The following KANK2 variants were observed in gnomAD, a reference collection of about 807,000 sequenced individuals.
KANK2 encodes the protein KN motif and ankyrin repeat domains 2.
Under a neutral mutation model 74.6 loss-of-function variants are expected in KANK2, and 41 were observed. The ratio of observed to expected loss-of-function variants is 0.55; its 90% CI spans 0.43 to 0.71. KANK2 has a LOEUF of 0.71. Among genes scored for constraint, KANK2 ranks in the 30% least tolerant of loss-of-function variants. The pLI is 0.00. For synonymous variants in KANK2, 537 were observed against 519.0 expected (o/e 1.03, Z -0.47); for missense variants, 1,148 against 1,196.4 (o/e 0.96, Z 0.60).
chr19:11,189,636 G>C (rs58495388), intron 4 of KANK2, among the ~76,000 whole-genome samples: 37,612 of 128,174 alleles, frequency 0.29, 6,312 homozygotes, highest in South Asian at 0.56. Context: ...AAAAAAAAAG[G>C]AAGATATAGA....
intron 9 of KANK2, 138 bp from the exon 10 acceptor site, chr19:11,173,261 T>C: frequency 1.2e-6 from 1 of 835,062 alleles, no homozygotes; most frequent in South Asian, 2.7e-5. Context: ...CACTCTGCCC[T>C]AGAGGTCTCC....
In KANK2 at chr19:11,194,565, T is replaced by C; in HGVS notation, c.-54A>G. The C allele has an allele frequency of 1.4e-6, 2 of 1,451,982 alleles. No individual in the cohort carries two copies. The highest frequency in any genetic ancestry group is 1.9e-6 in the Non-Finnish European group (2 of 1,034,242). 89.9% of individuals were successfully genotyped at this position (1,451,982 alleles called of 1,614,324 possible). ...TCACTTGAGGGACTGCGAGTCAGAC[T>C]GCCTGCAGCACCGGCTGAGGCTTAC... On this transcript the variant is annotated 5_prime_UTR_variant, in exon 3 of 13. Transcript: ENST00000586659.
chr19:11,177,306 G>C (rs2078373912), intron 6 of KANK2, among the ~76,000 whole-genome samples: 1 of 151,970 alleles, frequency 6.6e-6, no homozygotes, highest in Non-Finnish European at 1.5e-5. Flanking sequence ...ATGTTGGCCA[G>C]GCTGATCTCG....
intron 10 of KANK2, 113 bp downstream of exon 10, chr19:11,172,868 C>T (rs2078216375): frequency 2.7e-6 from 3 of 1,119,932 alleles, no homozygotes; most frequent in Non-Finnish European, 3.9e-6. Context: ...ACAGCCTGGC[C>T]ATGAAGAGCA....
In KANK2 at chr19:11,174,321, G is replaced by A. The variant is rs1246265793; in HGVS notation, c.2068+152C>T. Reference sequence around the variant, plus strand: ...AGGTGGCATCTGCCACATCAGACTGGGAGAGAGGTGTTCCCTCTATTATAC... The same window carrying A: ...AGGTGGCATCTGCCACATCAGACTGAGAGAGAGGTGTTCCCTCTATTATAC... On this transcript the variant is annotated intron_variant, in intron 9 of 12. Coordinates refer to ENST00000586659, the MANE Select transcript of KANK2 (RefSeq NM_001136191.3). The A allele has an allele frequency of 1.0e-5, 7 of 669,136 alleles. No individual in the cohort carries two copies. The Admixed American group carries it at 1.4e-4, about 13-fold the overall frequency. 41.4% of individuals were successfully genotyped at this position (669,136 alleles called of 1,614,324 possible).
intron 4 of KANK2, among the ~76,000 whole-genome samples, chr19:11,190,206 C>T (rs1283450782): frequency 6.6e-6 from 1 of 152,048 alleles, no homozygotes; most frequent in Non-Finnish European, 1.5e-5. Context: ...GCGACCTCGG[C>T]CCAATGCAAC....
In KANK2 at chr19:11,178,679, C is replaced by A; in HGVS notation, c.1291G>T (p.Gly431Trp). 6.5e-7 allele frequency: 1 copy of A among 1,544,040 alleles called. No homozygotes were observed. Among genetic ancestry groups the A allele is most frequent in the Non-Finnish European group, 8.7e-7 (1 of 1,150,634 alleles). ...TGTGTAAGGGAGGCTACCTCGGACCCCGGGGGTGACGAAGACGATTCGGCA... is the reference window on the plus strand; with the variant it reads ...TGTGTAAGGGAGGCTACCTCGGACCACGGGGGTGACGAAGACGATTCGGCA... Reference protein sequence around the residue: ...VPAESSSSPPGSEVASLTQPE... With the variant: ...VPAESSSSPPWSEVASLTQPE... Residue 431 changes from glycine (G) to tryptophan (W), a missense_variant, in exon 5 of 13, where the codon GGG becomes TGG. By Grantham distance (184) the Gly-to-Trp change is radical. Coordinates refer to ENST00000586659, the MANE Select transcript of KANK2 (RefSeq NM_001136191.3).
chr19:11,172,007 A>G (rs1384113078), intron 10 of KANK2, among the ~76,000 whole-genome samples: 3 of 130,408 alleles, frequency 2.3e-5, no homozygotes, highest in Non-Finnish European at 4.7e-5. Context: ...ACAGAGTCTC[A>G]CTCTGTAGCC....
rs35598796 is a variant in KANK2 at position 11,182,526 on chromosome 19, T to TA, written c.1250-3807dup. ...GGGTGACGGAGTGAGACCCTATCTT[T>TA]AAAAAAAAAAACAAAAAAACAAAAC... On this transcript the variant is annotated intron_variant, in intron 4 of 12. Transcript: ENST00000586659. 1.4e-3 allele frequency among the ~76,000 whole-genome samples: 137 copies of TA among 100,344 alleles called. 1 individual carries two copies. The highest frequency in any genetic ancestry group is 7.7e-3 in the Middle Eastern group (1 of 130). 65.8% of individuals were successfully genotyped at this position (100,344 alleles called of 152,430 possible).
upstream of KANK2, chr19:11,197,835 G>C (rs998301832): frequency 6.6e-6 from 1 of 152,020 alleles, no homozygotes; most frequent in African/African-American, 2.4e-5. Flanking sequence ...GCCGCTGCGG[G>C]GGGCGGAACG....
intron 9 of KANK2, among the ~76,000 whole-genome samples, 198 bp from the exon 10 acceptor site, chr19:11,173,321 T>A (rs531057207): frequency 6.6e-5 from 10 of 152,252 alleles, no homozygotes; most frequent in Non-Finnish European, 1.2e-4. Context: ...TCCTCCTCCA[T>A]CAGATTTGGG....
chr19:11,194,598 AAG>A lies in KANK2; in HGVS notation c.-79-10_-79-9del, dbSNP rs1301550411. ...GCACCGGCTGAGGCTTACCTGGGGA[AAG>A]AGAACCACGGCGCCGGGAGTTAGGA... On this transcript the variant is annotated splice_polypyrimidine_tract_variant and intron_variant, in intron 2 of 12. Transcript: ENST00000586659. 6.4e-6 allele frequency: 7 copies of A among 1,100,354 alleles called. No individual in the cohort carries two copies. Among genetic ancestry groups the A allele is most frequent in the Non-Finnish European group, 8.3e-6 (6 of 719,166 alleles). 68.2% of individuals were successfully genotyped at this position (1,100,354 alleles called of 1,614,324 possible). A position where few individuals can be genotyped will look rare whatever the true frequency, so the allele number is the denominator to read the frequency against.
intron 6 of KANK2, 140 bp from the exon 7 acceptor site, chr19:11,176,957 G>A: frequency 3.0e-6 from 3 of 987,964 alleles, no homozygotes; most frequent in Non-Finnish European, 4.2e-6. Context: ...ACATTCCAGG[G>A]TTGTGGGATG....
Position 11,173,092 on chromosome 19 carries a change from A to G in KANK2, c.2100T>C (p.Ala700=), listed in dbSNP as rs1251985190. ...GVCKVDKQNR[A]GYSPIMLTAL... ...CGGTGAGCATAATAGGGCTGTAGCC[A>G]GCACGGTTCTGTTTGTCCACCTTGC... Residue 700 remains alanine (A), a synonymous_variant, in exon 10 of 13, where the codon GCT becomes GCC. Coordinates refer to ENST00000586659, the MANE Select transcript of KANK2 (RefSeq NM_001136191.3). 6.2e-7 allele frequency: 1 copy of G among 1,613,906 alleles called. No individual in the cohort carries two copies. Among genetic ancestry groups the G allele is most frequent in the African/African-American group, 1.3e-5 (1 of 74,916 alleles).
At chr19:11,186,920 T>C (rs1164881253) in intron 4 of KANK2, among the ~76,000 whole-genome samples, 1 of 152,046 alleles carries the variant, frequency 6.6e-6, no homozygotes, top group Non-Finnish European at 1.5e-5. Flanking sequence ...TTGTTCGTGG[T>C]GGCCGGAAAT....
intron 4 of KANK2, among the ~76,000 whole-genome samples, chr19:11,187,426 A>G (rs1481119641): frequency 6.6e-6 from 1 of 151,982 alleles, no homozygotes; most frequent in Non-Finnish European, 1.5e-5. Flanking sequence ...CACAAGGCAT[A>G]TTTTTCAAGG....
rs766617092 is a variant in KANK2 at position 11,164,451 on chromosome 19, C to G, written c.*2107G>C. The G allele has an allele frequency of 6.6e-6, 1 of 152,112 alleles. No homozygotes were observed. Among genetic ancestry groups the G allele is most frequent in the Non-Finnish European group, 1.5e-5 (1 of 68,032 alleles). 9.4% of individuals were successfully genotyped at this position (152,112 alleles called of 1,614,324 possible). ...GCAGAGGCACGAGTCCAGTATCCCA[C>G]GGAGAGAAGGAAGTGTAGAGAGATG... On this transcript the variant is annotated 3_prime_UTR_variant, in exon 13 of 13. Coordinates refer to ENST00000586659, the MANE Select transcript of KANK2 (RefSeq NM_001136191.3).
rs911398791 is a variant in KANK2 at position 11,192,967 on chromosome 19, A to G, written c.1113T>C (p.Gly371=). The G allele has an allele frequency of 1.2e-6, 2 of 1,613,990 alleles. No homozygotes were observed. Among genetic ancestry groups the G allele is most frequent in the African/African-American group, 2.7e-5 (2 of 74,938 alleles). Residue 371 remains glycine (G), a synonymous_variant, in exon 4 of 13, where the codon GGT becomes GGC. Coordinates refer to ENST00000586659, the MANE Select transcript of KANK2 (RefSeq NM_001136191.3). ...GGAACACAGGTGGGCTCTCAGGCCT[A>G]CCAGGCATTGCCAGGGCCCTCAGCC... The part of the protein sequence containing the change: ...GTGLRALAMP[G]RPESPPVFRS...
intron 8 of KANK2, among the ~76,000 whole-genome samples, chr19:11,175,584 C>T (rs1470534152): frequency 6.6e-6 from 1 of 152,046 alleles, no homozygotes; most frequent in Non-Finnish European, 1.5e-5. Flanking sequence ...CTGCGCCCAG[C>T]CCTGGTTATA....
Sources: allele counts gnomAD v4.1 joint callset (sites outside exome capture counted in the v4.1 genomes callset), GRCh38; gene constraint gnomAD v4.1.1; transcripts MANE v1.5; gene names NCBI Gene and HGNC (gene_info 2026-07-23, HGNC 2026-07-21).